The following EPHB4 variants were observed in gnomAD, a reference collection of about 807,000 sequenced individuals.
EPHB4 encodes the protein EPH receptor B4.
A neutral mutation model predicts 110.6 loss-of-function variants in EPHB4; 50 were observed. The observed-to-expected ratio is 0.45, with a 90% CI of 0.36 to 0.57. The LOEUF is 0.57. Ranked by LOEUF, EPHB4 falls within the 20% of genes least tolerant of loss-of-function variation. The pLI, the probability that EPHB4 is intolerant of heterozygous loss-of-function variation, is 0.00. For synonymous variants in EPHB4, 592 were observed against 578.4 expected (o/e 1.02, Z -0.34); for missense variants, 1,128 against 1,382.1 (o/e 0.82, Z 2.91).
At chr7:100,805,385 C>T (rs1812796043) in intron 15 of EPHB4, 64 bp from the exon 16 acceptor site, 2 of 1,604,690 alleles carry the variant, frequency 1.2e-6, no homozygotes, top group South Asian at 1.1e-5. Context: ...GGAGGTGGAA[C>T]CCAGCCTTGC....
At chr7:100,826,847 G>A (rs76541265) in intron 1 of EPHB4, 132 bp downstream of exon 1, 14,132 of 765,520 alleles carry the variant, frequency 0.018, 899 homozygotes, top group East Asian at 0.17. Context: ...CAGCACTATC[G>A]GTCCGAAGTG....
chr7:100,813,524 C>G (rs1812996349), intron 10 of EPHB4, 128 bp downstream of exon 10: 1 of 951,960 alleles, frequency 1.1e-6, no homozygotes, highest in Admixed American at 2.2e-5. Flanking sequence ...ACATGTTGGC[C>G]AGGCTGGTCT....
At chr7:100,818,709 AT>A (rs1253067136) in intron 6 of EPHB4, 65 bp from the exon 7 acceptor site, 245 of 1,462,662 alleles carry the variant, frequency 1.7e-4, no homozygotes, top group South Asian at 4.6e-4. Flanking sequence ...CTTAAAAAAA[AT>A]TTTTTTTTTC....
chr7:100,818,177 T>A (rs944581819), intron 7 of EPHB4, among the ~76,000 whole-genome samples: 2 of 151,820 alleles, frequency 1.3e-5, no homozygotes, highest in Admixed American at 6.6e-5. Context: ...CATTTTAAGT[T>A]TTTTATAGAG....
intron 5 of EPHB4, 53 bp downstream of exon 5, chr7:100,820,088 C>T: frequency 6.3e-7 from 1 of 1,593,532 alleles, no homozygotes; most frequent in Non-Finnish European, 8.6e-7. Context: ...GGGTCCACCT[C>T]AGAGGTCTGT....
Position 100,819,689 on chromosome 7 carries a change from G to A in EPHB4, c.1165C>T (p.Pro389Ser), listed in dbSNP as rs756884746. The A allele has an allele frequency of 3.1e-6, 5 of 1,613,748 alleles. No homozygotes were observed. The highest frequency in any genetic ancestry group is 3.4e-6 in the Non-Finnish European group (4 of 1,179,984). ...CGTAGCCCTCGAACCACCACCCAGG[G>A]CTCCACCAGGTCCCGGGGGCCGGGG... is the stretch of plus-strand genomic sequence containing the variant. ...FDPGPRDLVE[P>S]WVVVRGLRPD... Residue 389 changes from proline to serine, a missense_variant, in exon 6 of 17, where the codon CCC becomes TCC. Transcript: ENST00000358173.
intron 12 of EPHB4, among the ~76,000 whole-genome samples, chr7:100,808,454 T>C (rs1266546799): frequency 1.3e-5 from 2 of 152,190 alleles, no homozygotes; most frequent in South Asian, 2.1e-4. Flanking sequence ...CTCCAACTCC[T>C]GGCCTCAAGC....
rs890036037 is a variant in EPHB4 at position 100,822,771 on chromosome 7, G to C, written c.412-104C>G. 4.2e-6 allele frequency: 6 copies of C among 1,418,184 alleles called. No individual in the cohort carries two copies. The African/African-American group carries it at 5.8e-5, about 14-fold the overall frequency. 87.9% of individuals were successfully genotyped at this position (1,418,184 alleles called of 1,614,324 possible). On this transcript the variant is annotated intron_variant, in intron 3 of 16. Transcript: ENST00000358173. This position sits in a 1 kb window ranked among gnomAD's most constrained non-coding sequence, Gnocchi z 4.7. The stretch of plus-strand genomic sequence containing the variant: ...ACCCTCCCGGACCTCCTTGGTTCCC[G>C]TTCCAGAATCTTCCCTCCACCTTCC...
At chr7:100,813,260 C>CG in intron 10 of EPHB4, 52 bp from the exon 11 acceptor site, 1 of 1,382,672 alleles carries the variant, frequency 7.2e-7, no homozygotes, top group Non-Finnish European at 1.0e-6. Flanking sequence ...CCACTGGACT[C>CG]GGAGGCTCGG....
At position 100,805,213 on chromosome 7, in the gene EPHB4, T is replaced by C. The variant is rs766826211; in HGVS notation, c.2787A>G (p.Ala929=). The C allele has an allele frequency of 3.1e-6, 5 of 1,613,280 alleles. No homozygotes were observed. In the Admixed American group the frequency reaches 8.3e-5, roughly 27 times the overall value. The change falls in exon 16 of 17, where the codon GCA becomes GCG. Residue 929 remains alanine (A), a synonymous_variant. Coordinates refer to ENST00000358173, the MANE Select transcript of EPHB4 (RefSeq NM_004444.5). ...IKMGRYEESF[A]AAGFGSFELV... Reference sequence around the variant, plus strand: ...GCTCGAAGGAGCCAAAGCCAGCGGCTGCGAAACTTTCTTCGTATCTTCCCA... The same window carrying C: ...GCTCGAAGGAGCCAAAGCCAGCGGCCGCGAAACTTTCTTCGTATCTTCCCA...
At chr7:100,810,467 C>T (rs920608165) in intron 12 of EPHB4, among the ~76,000 whole-genome samples, 6 of 151,976 alleles carry the variant, frequency 3.9e-5, no homozygotes, top group South Asian at 2.1e-4. Context: ...AATCAGCAGG[C>T]GTGGTGGCTC....
At chr7:100,808,935 C>T (rs897287196) in intron 12 of EPHB4, among the ~76,000 whole-genome samples, 1 of 152,166 alleles carries the variant, frequency 6.6e-6, no homozygotes, top group African/African-American at 2.4e-5. Flanking sequence ...CCTTTTCTCC[C>T]TCACCAGCCA....
chr7:100,811,617 C>A (rs1388986260), intron 12 of EPHB4, among the ~76,000 whole-genome samples: 2 of 152,076 alleles, frequency 1.3e-5, no homozygotes, highest in Non-Finnish European at 2.9e-5. Flanking sequence ...TGCCTGCAAT[C>A]CCAGTGCTGT....
At chr7:100,813,273 C>CATAGCTT in intron 10 of EPHB4, 65 bp from the exon 11 acceptor site, 1 of 994,274 alleles carries the variant, frequency 1.0e-6, no homozygotes, top group Admixed American at 2.1e-5. Context: ...AGGCTCGGCT[C>CATAGCTT]ATAGCTTTTA....
intron 8 of EPHB4, among the ~76,000 whole-genome samples, chr7:100,814,621 T>TA (rs1813023202): frequency 6.6e-6 from 1 of 152,236 alleles, no homozygotes; most frequent in Non-Finnish European, 1.5e-5. Context: ...TTCAGGTTTT[T>TA]ATCCAAAAAG....
chr7:100,812,819 C>T lies in EPHB4; in HGVS notation c.2046G>A (p.Val682=). 2 of 1,614,208 alleles carry T rather than the reference C, an allele frequency of 1.2e-6. No individual in the cohort carries two copies. Among genetic ancestry groups the T allele is most frequent in the South Asian group, 2.2e-5 (2 of 91,088 alleles). ...TCATGACGGGCATGCTGTTGGTGAC[C>T]ACGCCCTCCAGGCGGATGATATTGG... ...EHPNIIRLEG[V]VTNSMPVMIL... The change falls in exon 12 of 17, where the codon GTG becomes GTA. Residue 682 remains valine (V), a synonymous_variant. Coordinates refer to ENST00000358173, the MANE Select transcript of EPHB4 (RefSeq NM_004444.5).
At chr7:100,821,530 A>G (rs1813232844) in intron 4 of EPHB4, among the ~76,000 whole-genome samples, 1 of 150,884 alleles carries the variant, frequency 6.6e-6, no homozygotes, top group African/African-American at 2.4e-5. Flanking sequence ...CGGGAGGCTG[A>G]GGCAGGAGAA....
intron 14 of EPHB4, 112 bp from the exon 15 acceptor site, chr7:100,805,806 A>C (rs923854786): frequency 5.1e-5 from 54 of 1,060,066 alleles, no homozygotes; most frequent in Non-Finnish European, 6.3e-5. Flanking sequence ...ACAGCCCCCC[A>C]AAAAATAACA....
intron 5 of EPHB4, 22 bp downstream of exon 5, chr7:100,820,119 C>T (rs1292925885): frequency 1.2e-6 from 2 of 1,610,926 alleles, no homozygotes; most frequent in Non-Finnish European, 8.5e-7. Context: ...CAGTGAACTG[C>T]ACCTGGGTGC....
Sources: allele counts gnomAD v4.1 joint callset (sites outside exome capture counted in the v4.1 genomes callset), GRCh38; gene constraint gnomAD v4.1.1; non-coding constraint Gnocchi (gnomAD v3.1); transcripts MANE v1.5; gene names NCBI Gene and HGNC (gene_info 2026-07-23, HGNC 2026-07-21).